Variants in PAIP1 observed in about 807,000 individuals in gnomAD.
PAIP1 encodes poly(A) binding protein interacting protein 1.
PAIP1 carries 16 observed loss-of-function variants against 61.3 expected under a neutral mutation model. That is an observed-to-expected ratio of 0.26 (90% CI 0.18 to 0.40). The LOEUF (loss-of-function observed/expected upper bound fraction) is 0.40, where lower values mean the gene tolerates loss of function less well. Ranked by LOEUF, PAIP1 falls within the 10% of genes least tolerant of loss-of-function variation. The pLI, the probability that PAIP1 is intolerant of heterozygous loss-of-function variation, is 1.00. For missense variants in PAIP1, 416 were observed against 600.9 expected, an observed-to-expected ratio of 0.69 and a Z score of 3.22; for synonymous variants, 187 against 226.2, an observed-to-expected ratio of 0.83 and a Z score of 1.56.
chr5:43,545,943 AT>A (rs985770197), intron 3 of PAIP1, among the ~76,000 whole-genome samples: 5 of 149,580 alleles, frequency 3.3e-5, no homozygotes, highest in Admixed American at 6.7e-5. Context: ...CTAATTTTGT[AT>A]TTTTTTTTAG....
intron 2 of PAIP1, among the ~76,000 whole-genome samples, chr5:43,548,476 G>T (rs151068171): frequency 1.3e-5 from 2 of 152,182 alleles, no homozygotes; most frequent in South Asian, 4.1e-4. Flanking sequence ...AAAGCTGCTC[G>T]AGTAACTAAA....
intron 1 of PAIP1, 189 bp downstream of exon 1, chr5:43,556,393 G>C: frequency 8.1e-7 from 1 of 1,232,748 alleles, no homozygotes. Context: ...GGCGCACAAA[G>C]GATTCCAGCA....
chr5:43,547,042 C>CAAAA (rs766493987), intron 3 of PAIP1, among the ~76,000 whole-genome samples: 1,232 of 35,636 alleles, frequency 0.035, 483 homozygotes, highest in African/African-American at 0.056. Flanking sequence ...GACTCCATAT[C>CAAAA]AAAAAAAAAA....
chr5:43,556,408 C>A (rs1245920652), intron 1 of PAIP1, 174 bp downstream of exon 1: 8 of 1,226,936 alleles, frequency 6.5e-6, no homozygotes, highest in Non-Finnish European at 8.1e-6. Context: ...CCAGCAGACA[C>A]CTTCCAAACC....
intron 10 of PAIP1, among the ~76,000 whole-genome samples, chr5:43,529,141 AAAG>A (rs1480266913): frequency 6.6e-6 from 1 of 151,624 alleles, no homozygotes; most frequent in African/African-American, 2.4e-5. Context: ...AAAAAAAAAA[AAAG>A]ACTCAACAGG....
At chr5:43,557,224 C>T (rs1748140247), upstream of PAIP1, 1 of 170,322 alleles carries the variant, frequency 5.9e-6, no homozygotes, top group Non-Finnish European at 1.2e-5. Context: ...CAGCAGGCCG[C>T]CCGCCGAGTG....
At chr5:43,535,497 G>A (rs370282455) in intron 7 of PAIP1, 37 bp downstream of exon 7, 2 of 1,123,178 alleles carry the variant, frequency 1.8e-6, no homozygotes, top group South Asian at 1.3e-5. Flanking sequence ...GCAAGAAATT[G>A]AGATGCACTG....
At chr5:43,536,985 A>T in intron 5 of PAIP1, 41 bp from the exon 6 acceptor site, 8 of 1,464,974 alleles carry the variant, frequency 5.5e-6, no homozygotes, top group Non-Finnish European at 7.4e-6. Context: ...ATGATGCCAA[A>T]ATATAATACA....
chr5:43,534,449 T>C (rs924078512), intron 8 of PAIP1, among the ~76,000 whole-genome samples: 10 of 152,206 alleles, frequency 6.6e-5, no homozygotes, highest in East Asian at 1.9e-4. Context: ...TCTGCCCACC[T>C]TGGCCTCCCA....
intron 3 of PAIP1, among the ~76,000 whole-genome samples, chr5:43,547,042 CAAAAAAAAAAA>C (rs766493987): frequency 1.4e-4 from 5 of 35,664 alleles, no homozygotes; most frequent in East Asian, 1.0e-3. Flanking sequence ...GACTCCATAT[CAAAAAAAAAAA>C]AAAAAAAAAA....
chr5:43,556,281 C>T, intron 1 of PAIP1: 2 of 1,268,710 alleles, frequency 1.6e-6, no homozygotes, highest in African/African-American at 1.5e-5. Context: ...GGTGGTTACT[C>T]GCTAGGGTCT....
At chr5:43,555,563 T>C (rs1748025981) in intron 2 of PAIP1, among the ~76,000 whole-genome samples, 1 of 152,256 alleles carries the variant, frequency 6.6e-6, no homozygotes, top group Non-Finnish European at 1.5e-5. Context: ...ATCAAAACTA[T>C]GTCTATTTTA....
At chr5:43,546,796 A>C (rs1193483266) in intron 3 of PAIP1, among the ~76,000 whole-genome samples, 1 of 152,008 alleles carries the variant, frequency 6.6e-6, no homozygotes, top group Non-Finnish European at 1.5e-5. Flanking sequence ...AAATCCCAGC[A>C]TTTTGGGAGA....
At chr5:43,551,025 C>T (rs1333269475) in intron 2 of PAIP1, among the ~76,000 whole-genome samples, 4 of 152,040 alleles carry the variant, frequency 2.6e-5, no homozygotes, top group Non-Finnish European at 5.9e-5. Flanking sequence ...AACTAGAATA[C>T]AGAAACTGAG....
Position 43,529,968 on chromosome 5 carries a change from CT to C in PAIP1, c.1253-90del, listed in dbSNP as rs1746873725. 11 of 700,280 alleles carry C rather than the reference CT, an allele frequency of 1.6e-5. No homozygotes were observed. In the East Asian group the frequency reaches 2.9e-4, roughly 18 times the overall value. 43.4% of individuals were successfully genotyped at this position (700,280 alleles called of 1,614,324 possible). ...CCCTAAATGTTTTTTAATATTATGA[CT>C]TTTGCCCCCCTGCATGCTCAGAAAT... On this transcript the variant is annotated intron_variant, in intron 9 of 10. Coordinates refer to ENST00000306846, the MANE Select transcript of PAIP1 (RefSeq NM_006451.5).
chr5:43,533,852 CAAT>C, intron 8 of PAIP1, 60 bp from the exon 9 acceptor site: 2 of 1,014,800 alleles, frequency 2.0e-6, no homozygotes, highest in Non-Finnish European at 3.2e-6. Flanking sequence ...TTTGTAAGTA[CAAT>C]AATGAAGCAT....
At chr5:43,539,065 A>C in intron 4 of PAIP1, 30 bp from the exon 5 acceptor site, 1,368 of 1,347,654 alleles carry the variant, frequency 1.0e-3, no homozygotes, top group Non-Finnish European at 1.3e-3. Flanking sequence ...TTATAATCTC[A>C]CATTGCTTTG....
chr5:43,556,090 G>A, intron 1 of PAIP1, 91 bp from the exon 2 acceptor site: 1 of 1,484,210 alleles, frequency 6.7e-7, no homozygotes, highest in Non-Finnish European at 9.0e-7. Context: ...AAAAGCGTCT[G>A]TTTTTAAGAG....
intron 7 of PAIP1, 37 bp downstream of exon 7, chr5:43,535,497 G>T: frequency 8.9e-7 from 1 of 1,123,294 alleles, no homozygotes; most frequent in Non-Finnish European, 1.4e-6. Context: ...GCAAGAAATT[G>T]AGATGCACTG....
Sources: allele counts gnomAD v4.1 joint callset (sites outside exome capture counted in the v4.1 genomes callset), GRCh38; gene constraint gnomAD v4.1.1; transcripts MANE v1.5; gene names NCBI Gene and HGNC (gene_info 2026-07-23, HGNC 2026-07-21).